Variants in PPL observed in about 807,000 individuals in gnomAD.
PPL encodes periplakin, also known as 190 kDa paraneoplastic pemphigus antigen.
A neutral mutation model predicts 194.4 loss-of-function variants in PPL; 198 were observed. That is an observed-to-expected ratio of 1.02 (90% CI 0.91 to 1.15). The LOEUF (loss-of-function observed/expected upper bound fraction) is 1.15, where lower values mean the gene tolerates loss of function less well. Among genes scored for constraint, PPL ranks in the 50% most tolerant of loss-of-function variants. PPL has a pLI of 0.00. For missense variants in PPL, 2,885 were observed against 2,294.8 expected, an observed-to-expected ratio of 1.26 and a Z score of -5.25; for synonymous variants, 1,220 against 972.4, an observed-to-expected ratio of 1.25 and a Z score of -4.74.
rs377158674 is a variant in PPL, at chr16:4,903,310, C to G, written c.317+576G>C. On this transcript the variant is annotated intron_variant, in intron 3 of 21. Transcript: ENST00000345988. ...GACAGGGCACCAGGCAGCGGAAGAG[C>G]TCGCTCAAAAGCTCACAGGTCAGGC... Among the ~76,000 whole-genome samples, 216 of 152,218 alleles carry G rather than the reference C, an allele frequency of 1.4e-3. 7 individuals carry two copies. In the South Asian group the frequency reaches 0.042, roughly 30 times the overall value.
chr16:4,884,774 T>A lies in PPL; in HGVS notation c.3881A>T (p.Glu1294Val). ...PQVQTKEVVQ[E>V]ILQFQEDPQT... ...AGGGTCTTCTTGGAATTGGAGGATC[T>A]CCTGGACCACCTCTTTGGTCTGGAC... The change falls in exon 22 of 22, where the codon GAG becomes GTG. Residue 1294 changes from glutamate to valine, a missense_variant. Transcript: ENST00000345988. The surrounding 1 kb of genome is among the most constrained non-coding windows in gnomAD (Gnocchi z 5.7). The A allele has an allele frequency of 6.2e-7, 1 of 1,614,158 alleles. No homozygotes were observed. Among genetic ancestry groups the A allele is most frequent in the Non-Finnish European group, 8.5e-7 (1 of 1,180,028 alleles).
chr16:4,891,006 C>T, intron 16 of PPL, 85 bp from the exon 17 acceptor site: 1 of 1,260,696 alleles, frequency 7.9e-7, no homozygotes, highest in Non-Finnish European at 1.1e-6. Context: ...CCCTGGGCCA[C>T]TGACTGTAGG....
intron 1 of PPL, among the ~76,000 whole-genome samples, chr16:4,914,879 G>A (rs1288940051): frequency 6.6e-6 from 1 of 152,190 alleles, no homozygotes; most frequent in Non-Finnish European, 1.5e-5. Context: ...CCCACTTCCT[G>A]GTTGGGCAGG....
intron 2 of PPL, among the ~76,000 whole-genome samples, chr16:4,904,924 A>G (rs1338218352): frequency 6.6e-6 from 1 of 152,160 alleles, no homozygotes; most frequent in Non-Finnish European, 1.5e-5. Flanking sequence ...GCTGATGAGT[A>G]CAGGGCTTCT....
intron 1 of PPL, among the ~76,000 whole-genome samples, chr16:4,911,955 A>G (rs9940896): frequency 0.18 from 26,813 of 151,704 alleles, 2,726 homozygotes; most frequent in East Asian, 0.28. Flanking sequence ...TCCTACCTCC[A>G]CCTCCTGAGT....
chr16:4,889,120 A>C, intron 18 of PPL, 59 bp from the exon 19 acceptor site: 1 of 1,319,046 alleles, frequency 7.6e-7, no homozygotes, highest in Non-Finnish European at 1.1e-6. Context: ...AAAAGCAACC[A>C]TGGATGCAGT....
chr16:4,936,866 G>T, intron 1 of PPL, 118 bp downstream of exon 1: 1 of 1,061,300 alleles, frequency 9.4e-7, no homozygotes, highest in Non-Finnish European at 1.3e-6. Context: ...TCCGGGTTCA[G>T]TTCCCGGTTC....
At position 4,885,787 on chromosome 16, in the gene PPL, C is replaced by T. The variant is rs139673703; in HGVS notation, c.2868G>A (p.Thr956=). ...GGTTCTTGTGCTGCTCCTCTGCCAG[C>T]GTCCGCTGCAGCTGCTGGAAGCTCT... ...LEESFQQLQR[T]LAEEQHKNQL... The change falls in exon 22 of 22, where the codon ACG becomes ACA. Residue 956 remains threonine (T), a synonymous_variant. Coordinates refer to ENST00000345988, the MANE Select transcript of PPL (RefSeq NM_002705.5). This position sits in a 1 kb window ranked among gnomAD's most constrained non-coding sequence, Gnocchi z 6.3. 357 of 1,609,940 alleles carry T rather than the reference C, an allele frequency of 2.2e-4. 1 individual carries two copies. The highest frequency in any genetic ancestry group is 3.0e-4 in the Non-Finnish European group (351 of 1,179,982).
chr16:4,899,774 G>A (rs1387833493), intron 6 of PPL, among the ~76,000 whole-genome samples: 1 of 152,178 alleles, frequency 6.6e-6, no homozygotes, highest in Non-Finnish European at 1.5e-5. Flanking sequence ...ACAGAGACTG[G>A]CATATAGTTG....
rs765490826 is a variant in PPL, at chr16:4,892,121, G to A, written c.1743C>T (p.Gly581=). The part of the protein sequence containing the change: ...EAFIQALPGS[G]TTPLLRTRVE... ...CCCGGGTCCTCAGCAGGGGTGTGGT[G>A]CCACTGCCTGGGAGGGCCTGGATGA... The change falls in exon 15 of 22, where the codon GGC becomes GGT. Residue 581 remains glycine, a synonymous_variant. Transcript: ENST00000345988. The A allele has an allele frequency of 1.9e-6, 3 of 1,613,492 alleles. No individual in the cohort carries two copies. The highest frequency in any genetic ancestry group is 2.5e-6 in the Non-Finnish European group (3 of 1,179,740).
chr16:4,922,395 C>T (rs1238779147), intron 1 of PPL, among the ~76,000 whole-genome samples: 1 of 152,142 alleles, frequency 6.6e-6, no homozygotes, highest in Admixed American at 6.5e-5. Flanking sequence ...GGCGTGGTGG[C>T]TCATGCCTGT....
chr16:4,932,402 G>C (rs1264799843), intron 1 of PPL, among the ~76,000 whole-genome samples: 1 of 151,580 alleles, frequency 6.6e-6, no homozygotes, highest in Admixed American at 6.6e-5. Flanking sequence ...GCTTGGCTCA[G>C]TCATGAATCT....
intron 1 of PPL, among the ~76,000 whole-genome samples, chr16:4,913,233 C>A (rs2088855005): frequency 1.3e-5 from 2 of 152,192 alleles, no homozygotes; most frequent in Admixed American, 6.6e-5. Flanking sequence ...ACAGACCACT[C>A]TGGAAAATGC....
At chr16:4,903,647 G>A (rs1487371336) in intron 3 of PPL, among the ~76,000 whole-genome samples, 2 of 151,912 alleles carry the variant, frequency 1.3e-5, no homozygotes, top group Non-Finnish European at 2.9e-5. Flanking sequence ...TTGAACTGGG[G>A]AGGCAGAGAT....
chr16:4,899,531 C>T (rs1042002072), intron 6 of PPL, 147 bp from the exon 7 acceptor site: 14 of 13,046 alleles, frequency 1.1e-3, no homozygotes, highest in Admixed American at 6.2e-3. Flanking sequence ...AGCTTAGCCA[C>T]GTCCAGGCCA....
At chr16:4,908,182 GA>G in intron 2 of PPL, among the ~76,000 whole-genome samples, 1 of 117,484 alleles carries the variant, frequency 8.5e-6, no homozygotes, top group South Asian at 2.8e-4. Context: ...AAAAAAAAAA[GA>G]AAGAAAGAAA....
intron 1 of PPL, among the ~76,000 whole-genome samples, chr16:4,928,690 C>T (rs2089190259): frequency 6.6e-6 from 1 of 152,182 alleles, no homozygotes; most frequent in Non-Finnish European, 1.5e-5. Flanking sequence ...AGAGACAGGG[C>T]TTCAACCCTG....
intron 1 of PPL, among the ~76,000 whole-genome samples, chr16:4,927,420 G>A (rs2089173516): frequency 6.6e-6 from 1 of 152,198 alleles, no homozygotes; most frequent in Admixed American, 6.5e-5. Flanking sequence ...AACTGGTCTT[G>A]GAAAGGGCTC....
chr16:4,894,750 G>T, intron 11 of PPL, 132 bp from the exon 12 acceptor site: 1 of 1,026,104 alleles, frequency 9.7e-7, no homozygotes. Context: ...CCGTAGAGTG[G>T]GGAGGGGCAT....
Sources: gnomAD v4.1 joint callset for allele counts (sites outside exome capture counted in the v4.1 genomes callset) on GRCh38, gnomAD v4.1.1 for gene constraint, Gnocchi (gnomAD v3.1) non-coding constraint, MANE v1.5 for transcripts, NCBI Gene and HGNC (gene_info 2026-07-23, HGNC 2026-07-21) for gene names.